The following DPP10 variants were observed in gnomAD, a reference collection of about 807,000 sequenced individuals.
The protein encoded by DPP10 is dipeptidyl peptidase like 10.
DPP10 carries 33 observed loss-of-function variants against 120.9 expected under a neutral mutation model. The observed-to-expected ratio is 0.27, with a 90% CI of 0.21 to 0.37. The LOEUF is 0.37. Ranked by LOEUF, DPP10 falls within the 10% of genes least tolerant of loss-of-function variation. The probability of loss-of-function intolerance (pLI) is 1.00; values close to 1 mark genes in which losing one functional copy is unlikely to be tolerated. For synonymous variants in DPP10, 337 were observed against 326.1 expected, an observed-to-expected ratio of 1.03 and a Z score of -0.36; for missense variants, 816 against 942.8, an observed-to-expected ratio of 0.87 and a Z score of 1.76.
intron 1 of DPP10, among the ~76,000 whole-genome samples, chr2:114,882,722 T>C (rs1691747739): frequency 6.6e-6 from 1 of 152,080 alleles, no homozygotes; most frequent in Non-Finnish European, 1.5e-5. Context: ...TACCTCATAA[T>C]CTAATGCCAA....
At chr2:114,657,995 C>A (rs1247872103) in intron 1 of DPP10, among the ~76,000 whole-genome samples, 1 of 152,000 alleles carries the variant, frequency 6.6e-6, no homozygotes, top group African/African-American at 2.4e-5. Context: ...CTAAATGGGG[C>A]ATTTTTAAAG....
chr2:115,261,112 C>T (rs940899947), intron 1 of DPP10, among the ~76,000 whole-genome samples: 1 of 152,140 alleles, frequency 6.6e-6, no homozygotes, highest in Non-Finnish European at 1.5e-5. Context: ...GCTATAGTCT[C>T]TGTGGCTGAA....
At chr2:115,795,767 T>A (rs949383322) in intron 19 of DPP10, among the ~76,000 whole-genome samples, 1 of 152,140 alleles carries the variant, frequency 6.6e-6, no homozygotes, top group African/African-American at 2.4e-5. Context: ...TACACACATT[T>A]CATTTCCTCA....
At chr2:115,370,872 C>G (rs189769884) in intron 3 of DPP10, among the ~76,000 whole-genome samples, 1 of 151,854 alleles carries the variant, frequency 6.6e-6, no homozygotes, top group African/African-American at 2.4e-5. Context: ...GCTGCTAGTC[C>G]CAGAACTAAC....
chr2:115,661,044 G>A (rs893857120), intron 5 of DPP10, among the ~76,000 whole-genome samples: 12 of 151,986 alleles, frequency 7.9e-5, no homozygotes, highest in Non-Finnish European at 1.2e-4. Context: ...TCTGCCTCCT[G>A]GGTTCAAGTA....
At chr2:115,224,436 T>A (rs765806115) in intron 1 of DPP10, among the ~76,000 whole-genome samples, 20 of 152,120 alleles carry the variant, frequency 1.3e-4, no homozygotes, top group Non-Finnish European at 2.4e-4. Context: ...AAAAATTTGC[T>A]AGGTGAGTTT....
intron 1 of DPP10, among the ~76,000 whole-genome samples, chr2:115,026,602 C>A (rs1703477972): frequency 6.6e-6 from 1 of 152,148 alleles, no homozygotes; most frequent in Admixed American, 6.6e-5. Flanking sequence ...GTGGTGCCAT[C>A]TCGGCTCATT....
intron 3 of DPP10, among the ~76,000 whole-genome samples, chr2:115,441,240 G>A (rs1309414158): frequency 6.6e-6 from 1 of 152,148 alleles, no homozygotes; most frequent in African/African-American, 2.4e-5. Context: ...TAAATATAAT[G>A]TAAAGAGCCA....
At chr2:115,328,642 G>A (rs1245781464) in intron 2 of DPP10, among the ~76,000 whole-genome samples, 1 of 152,036 alleles carries the variant, frequency 6.6e-6, no homozygotes, top group African/African-American at 2.4e-5. Flanking sequence ...AAGCATGTAT[G>A]TGTAGAGCTT....
At chr2:115,826,266 T>G (rs1688305530) in intron 21 of DPP10, among the ~76,000 whole-genome samples, 1 of 152,208 alleles carries the variant, frequency 6.6e-6, no homozygotes, top group Non-Finnish European at 1.5e-5. Flanking sequence ...AAACAATGAC[T>G]TCCTACAATT....
At chr2:115,755,862 A>C (rs926358653) in intron 11 of DPP10, among the ~76,000 whole-genome samples, 2 of 151,944 alleles carry the variant, frequency 1.3e-5, no homozygotes, top group African/African-American at 4.8e-5. Flanking sequence ...TTCATCAATA[A>C]ATGAATGGAT....
At chr2:115,349,592 G>T (rs1426612680) in intron 3 of DPP10, among the ~76,000 whole-genome samples, 1 of 151,970 alleles carries the variant, frequency 6.6e-6, no homozygotes, top group African/African-American at 2.4e-5. Context: ...GCGCTGGGAG[G>T]TCTCATTCTC....
intron 1 of DPP10, among the ~76,000 whole-genome samples, chr2:114,925,990 A>G (rs1695591965): frequency 6.6e-6 from 1 of 152,172 alleles, no homozygotes; most frequent in Non-Finnish European, 1.5e-5. Flanking sequence ...TCTGATCCCC[A>G]ATGCACATGG....
chr2:114,975,655 T>G (rs1385547093), intron 1 of DPP10, among the ~76,000 whole-genome samples: 1 of 152,172 alleles, frequency 6.6e-6, no homozygotes, highest in African/African-American at 2.4e-5. Flanking sequence ...ATTTATTCAT[T>G]TATTTATTTA....
At chr2:115,321,950 A>C (rs2106108555) in intron 2 of DPP10, among the ~76,000 whole-genome samples, 1 of 152,164 alleles carries the variant, frequency 6.6e-6, no homozygotes, top group South Asian at 2.1e-4. Flanking sequence ...GGTTTCCTTT[A>C]GCTCTTTATT....
At chr2:114,754,588 G>T (rs1478810234) in intron 1 of DPP10, among the ~76,000 whole-genome samples, 1 of 152,108 alleles carries the variant, frequency 6.6e-6, no homozygotes, top group East Asian at 1.9e-4. Context: ...TAGTAGCAAA[G>T]CTCTACCTTT....
At chr2:115,045,654 C>T (rs10174556) in intron 1 of DPP10, among the ~76,000 whole-genome samples, 70,355 of 151,906 alleles carry the variant, frequency 0.46, 16,782 homozygotes, top group South Asian at 0.59. Context: ...GACCAGGGGA[C>T]GGCGGAGGGA....
intron 1 of DPP10, among the ~76,000 whole-genome samples, chr2:115,032,361 C>A (rs1270119392): frequency 1.3e-5 from 2 of 152,104 alleles, no homozygotes; most frequent in Non-Finnish European, 1.5e-5. Flanking sequence ...ATGAGTTAAT[C>A]ATAATTCTCT....
intron 3 of DPP10, among the ~76,000 whole-genome samples, chr2:115,442,266 G>T (rs2072141408): frequency 6.6e-6 from 1 of 152,038 alleles, no homozygotes; most frequent in Non-Finnish European, 1.5e-5. Context: ...AAGAGGATCA[G>T]AATCTAATTC....
Sources: gnomAD v4.1 joint callset for allele counts (sites outside exome capture counted in the v4.1 genomes callset) on GRCh38, gnomAD v4.1.1 for gene constraint, MANE v1.5 for transcripts, NCBI Gene and HGNC (gene_info 2026-07-23, HGNC 2026-07-21) for gene names.